Variants in LRP1B observed in about 807,000 individuals in gnomAD.
LRP1B encodes LDL receptor related protein 1B, also known as low-density lipoprotein receptor-related protein 1B.
LRP1B carries 217 observed loss-of-function variants against 556.6 expected under a neutral mutation model. That is an observed-to-expected ratio of 0.39 (90% CI 0.35 to 0.44). LRP1B has a LOEUF of 0.44. LRP1B is among the 20% of genes least tolerant of loss of function. The pLI, the probability that LRP1B is intolerant of heterozygous loss-of-function variation, is 1.00. For missense variants in LRP1B, 5,053 were observed against 5,620.8 expected, an observed-to-expected ratio of 0.90 and a Z score of 3.23; for synonymous variants, 2,047 against 1,865.8, an observed-to-expected ratio of 1.10 and a Z score of -2.50.
intron 88 of LRP1B, among the ~76,000 whole-genome samples, chr2:140,238,801 A>C (rs564414870): frequency 2.0e-5 from 3 of 150,914 alleles, no homozygotes; most frequent in Non-Finnish European, 4.5e-5. Flanking sequence ...CGCTGTACCC[A>C]TTAGGTAATT....
chr2:141,219,865 A>C (rs1682964250), intron 6 of LRP1B, among the ~76,000 whole-genome samples: 1 of 152,180 alleles, frequency 6.6e-6, no homozygotes, highest in Non-Finnish European at 1.5e-5. Context: ...CTGATTGCCA[A>C]AAGAAAAACA....
intron 77 of LRP1B, among the ~76,000 whole-genome samples, chr2:140,349,042 C>T (rs1171945666): frequency 1.3e-5 from 2 of 152,044 alleles, no homozygotes; most frequent in South Asian, 2.1e-4. Flanking sequence ...GGTTTGCGCT[C>T]CTATGAAAAT....
intron 2 of LRP1B, among the ~76,000 whole-genome samples, chr2:141,539,815 T>C (rs1209815410): frequency 1.3e-5 from 2 of 152,170 alleles, no homozygotes; most frequent in Non-Finnish European, 2.9e-5. Context: ...ATCTAAATTT[T>C]ATATAATATC....
intron 7 of LRP1B, among the ~76,000 whole-genome samples, chr2:141,063,262 T>G (rs529545637): frequency 1.3e-4 from 20 of 151,942 alleles, no homozygotes; most frequent in African/African-American, 4.8e-4. Context: ...GTGAATTAGT[T>G]TTTAGTTACT....
rs78915959 is a variant in LRP1B at position 141,787,912 on chromosome 2, T to C, written c.205+22367A>G. ...TGTCTCTTTTTACTTTTCCATAAGT[T>C]TATTTATGGCTAACATTCTAACCAA... is the stretch of plus-strand genomic sequence containing the variant. On this transcript the variant is annotated intron_variant, in intron 2 of 90. Transcript: ENST00000389484. 4.1e-4 allele frequency among the ~76,000 whole-genome samples: 62 copies of C among 152,110 alleles called. 1 individual carries two copies. The highest frequency in any genetic ancestry group is 1.5e-3 in the African/African-American group (61 of 41,530).
At chr2:141,899,857 CCT>C (rs1383430499) in intron 1 of LRP1B, among the ~76,000 whole-genome samples, 5 of 152,004 alleles carry the variant, frequency 3.3e-5, no homozygotes, top group Non-Finnish European at 5.9e-5. Flanking sequence ...CTGGCCACCC[CCT>C]GAGTTTTCAT....
intron 1 of LRP1B, among the ~76,000 whole-genome samples, chr2:142,034,300 A>G (rs1703802568): frequency 6.6e-6 from 1 of 151,794 alleles, no homozygotes; most frequent in African/African-American, 2.4e-5. Flanking sequence ...AACTATTAAT[A>G]TTTTAATATC....
chr2:141,619,959 A>G (rs1282416945), intron 2 of LRP1B, among the ~76,000 whole-genome samples: 1 of 152,096 alleles, frequency 6.6e-6, no homozygotes, highest in Admixed American at 6.5e-5. Context: ...TTTAAAATTT[A>G]TTATTATTTT....
chr2:140,853,750 C>A (rs1462604735), intron 27 of LRP1B, among the ~76,000 whole-genome samples: 1 of 152,012 alleles, frequency 6.6e-6, no homozygotes, highest in Non-Finnish European at 1.5e-5. Context: ...AAATTAAGAA[C>A]AAAAGATAAT....
chr2:140,702,394 G>A, intron 38 of LRP1B, 33 bp downstream of exon 38: 1 of 1,611,202 alleles, frequency 6.2e-7, no homozygotes, highest in East Asian at 2.2e-5. Flanking sequence ...GTCAGTTAAG[G>A]CACTTTAAAT....
chr2:141,340,447 T>C lies in LRP1B; in HGVS notation c.344-85806A>G, dbSNP rs546678447. On this transcript the variant is annotated intron_variant, in intron 3 of 90. Transcript: ENST00000389484. The stretch of plus-strand genomic sequence containing the variant: ...GAGGCCTCTGAAGCAGCAAGAATAA[T>C]GCTATTGTCAATATACTAAAAGCTG... Among the ~76,000 whole-genome samples the C allele has an allele frequency of 6.6e-5, 10 of 152,312 alleles. No individual in the cohort carries two copies. In the South Asian group the frequency reaches 1.7e-3, roughly 25 times the overall value.
intron 17 of LRP1B, among the ~76,000 whole-genome samples, 163 bp from the exon 18 acceptor site, chr2:140,982,439 G>A (rs1237732783): frequency 6.6e-6 from 1 of 152,104 alleles, no homozygotes; most frequent in Non-Finnish European, 1.5e-5. Flanking sequence ...CTGAATACCA[G>A]CTTGCTTGTC....
chr2:141,218,974 G>A (rs1324510901), intron 6 of LRP1B, among the ~76,000 whole-genome samples: 2 of 152,226 alleles, frequency 1.3e-5, no homozygotes, highest in Non-Finnish European at 2.9e-5. Context: ...TGACCAAGGT[G>A]CCACACAGGA....
intron 3 of LRP1B, among the ~76,000 whole-genome samples, chr2:141,428,189 A>G (rs1680438552): frequency 6.6e-6 from 1 of 152,164 alleles, no homozygotes; most frequent in African/African-American, 2.4e-5. Flanking sequence ...TAAATAAATT[A>G]AGTAGGTTAC....
intron 83 of LRP1B, among the ~76,000 whole-genome samples, chr2:140,300,602 C>G (rs190640966): frequency 2.8e-4 from 43 of 152,194 alleles, no homozygotes; most frequent in African/African-American, 1.0e-3. Flanking sequence ...CCTTATGTTT[C>G]TGGGCTCTAA....
At chr2:140,802,482 T>C (rs1167570811) in intron 32 of LRP1B, among the ~76,000 whole-genome samples, 4 of 152,180 alleles carry the variant, frequency 2.6e-5, no homozygotes, top group African/African-American at 9.7e-5. Flanking sequence ...ATATAATTGT[T>C]CTTTATATTG....
chr2:140,607,605 T>C (rs939506578), intron 41 of LRP1B, among the ~76,000 whole-genome samples: 4 of 150,578 alleles, frequency 2.7e-5, no homozygotes, highest in African/African-American at 9.8e-5. Context: ...GAAGCACACA[T>C]ATATGCTAAA....
At chr2:141,074,739 G>C (rs1299690257) in intron 7 of LRP1B, among the ~76,000 whole-genome samples, 2 of 151,046 alleles carry the variant, frequency 1.3e-5, no homozygotes, top group Non-Finnish European at 3.0e-5. Context: ...TAGGTTAAAG[G>C]GTAAAAAATA....
chr2:140,383,559 A>ATTCT (rs1683630942), intron 67 of LRP1B, among the ~76,000 whole-genome samples: 1 of 152,142 alleles, frequency 6.6e-6, no homozygotes, highest in Admixed American at 6.5e-5. Context: ...AGTATCTTCA[A>ATTCT]GCCCTATTCA....
Sources: gnomAD v4.1 joint callset for allele counts (sites outside exome capture counted in the v4.1 genomes callset) on GRCh38, gnomAD v4.1.1 for gene constraint, MANE v1.5 for transcripts, NCBI Gene and HGNC (gene_info 2026-07-23, HGNC 2026-07-21) for gene names.